Variants in NOTCH2NLC observed in about 807,000 individuals in gnomAD.
The protein encoded by NOTCH2NLC is notch homolog 2 N-terminal-like protein C.
NOTCH2NLC carries 4 observed loss-of-function variants against 17.7 expected under a neutral mutation model. The ratio of observed to expected loss-of-function variants is 0.23; its 90% CI spans 0.11 to 0.52. The LOEUF (loss-of-function observed/expected upper bound fraction) is 0.52. NOTCH2NLC is among the 20% of genes least tolerant of loss of function. The probability of loss-of-function intolerance (pLI) is 0.96; values close to 1 mark genes in which losing one functional copy is unlikely to be tolerated. For missense variants in NOTCH2NLC, 57 were observed against 207.2 expected (o/e 0.28, Z 4.45); for synonymous variants, 18 against 86.0 (o/e 0.21, Z 4.38).
chr1:149,395,089 C>T (rs1358725537), intron 1 of NOTCH2NLC, among the ~76,000 whole-genome samples: 2 of 150,894 alleles, frequency 1.3e-5, no homozygotes, highest in African/African-American at 4.9e-5. Context: ...GTCCACATTG[C>T]TTCCATCTCA....
chr1:149,419,916 G>T (rs2084369952), intron 1 of NOTCH2NLC, among the ~76,000 whole-genome samples: 1 of 130,996 alleles, frequency 7.6e-6, no homozygotes, highest in Admixed American at 8.0e-5. Context: ...GCCCAGGCTG[G>T]AGTGCAGTGG....
Position 149,430,806 on chromosome 1 carries a change from T to C in NOTCH2NLC, c.136-136T>C, listed in dbSNP as rs1475448125. 34 of 420,658 alleles carry C rather than the reference T, an allele frequency of 8.1e-5. 1 individual carries two copies. In the East Asian group the frequency reaches 1.7e-3, roughly 21 times the overall value. 26.1% of individuals were successfully genotyped at this position (420,658 alleles called of 1,614,324 possible). A position where few individuals can be genotyped will look rare whatever the true frequency, so the allele number is the denominator to read the frequency against. On this transcript the variant is annotated intron_variant, in intron 1 of 4. Transcript: ENST00000650865. ...TAGAAGCCAAAACATAAAAAACTGA[T>C]TAAAACTCTAAAAAGAAACCCAGAT... is the stretch of plus-strand genomic sequence containing the variant.
rs1311329095 is a variant in NOTCH2NLC, at chr1:149,421,392, G to A, written c.136-9550G>A. On this transcript the variant is annotated intron_variant, in intron 1 of 4. Coordinates refer to ENST00000650865, the MANE Select transcript of NOTCH2NLC (RefSeq NM_001364013.2). ...CGGGCACCTATAGTCCCAGCTACTC[G>A]GGAGGCTGAGGCAGGAGAATGGCGT... Among the ~76,000 whole-genome samples, 148 of 148,726 alleles carry A rather than the reference G, an allele frequency of 1.0e-3. 2 individuals carry two copies. The highest frequency in any genetic ancestry group is 2.8e-3 in the African/African-American group (115 of 40,578).
At position 149,390,857 on chromosome 1, in the gene NOTCH2NLC, C is replaced by T. The variant is rs2084161490; in HGVS notation, c.70C>T (p.Arg24Cys). Residue 24 changes from arginine (R) to cysteine (C), a missense_variant, in exon 1 of 5, where the codon CGC becomes TGC. By Grantham distance (180) the Arg-to-Cys change is radical (BLOSUM62 -3). Coordinates refer to ENST00000650865, the MANE Select transcript of NOTCH2NLC (RefSeq NM_001364013.2). The part of the protein sequence containing the change: ...GGGGGDREDA[R>C]PAPLCCGRCW... ...AGGAGGCGGCGACCGAGAAGATGCC[C>T]GCCCTGCGCCGCTCTGCTGTGGGCG... is the stretch of plus-strand genomic sequence containing the variant. The T allele has an allele frequency of 6.8e-6, 9 of 1,327,268 alleles. No homozygotes were observed. The highest frequency in any genetic ancestry group is 4.8e-6 in the Non-Finnish European group (5 of 1,041,422). The allele number at this position is 1,327,268 out of a possible 1,614,324, so 82.2% of individuals were successfully genotyped here.
At chr1:149,463,082 C>T (rs2084659777) in intron 3 of NOTCH2NLC, among the ~76,000 whole-genome samples, 1 of 150,252 alleles carries the variant, frequency 6.7e-6, no homozygotes, top group Non-Finnish European at 1.5e-5. Flanking sequence ...GATCTGCCTG[C>T]CTCGGCCTCC....
At chr1:149,451,529 GA>G (rs2084591314) in intron 2 of NOTCH2NLC, among the ~76,000 whole-genome samples, 1 of 150,230 alleles carries the variant, frequency 6.7e-6, no homozygotes, top group Admixed American at 6.6e-5. Flanking sequence ...ATTTTAAATA[GA>G]AATCAAACTT....
chr1:149,462,561 G>C (rs1302822808), intron 3 of NOTCH2NLC, among the ~76,000 whole-genome samples: 1 of 139,606 alleles, frequency 7.2e-6, no homozygotes, highest in African/African-American at 2.7e-5. Flanking sequence ...GTATTGACTT[G>C]TTTCTATCAC....
intron 2 of NOTCH2NLC, among the ~76,000 whole-genome samples, chr1:149,449,306 C>CAA (rs2084576292): frequency 6.7e-6 from 1 of 150,078 alleles, no homozygotes; most frequent in East Asian, 2.0e-4. Flanking sequence ...ATATACAATA[C>CAA]ATAGTTAAGT....
At chr1:149,420,150 A>G (rs1312177818) in intron 1 of NOTCH2NLC, among the ~76,000 whole-genome samples, 1 of 150,438 alleles carries the variant, frequency 6.6e-6, no homozygotes, top group Non-Finnish European at 1.5e-5. Context: ...GATTAAAGAC[A>G]TGAGCCACCG....
Position 149,471,356 on chromosome 1 carries a change from G to T in NOTCH2NLC, c.*7203G>T. On this transcript the variant is annotated 3_prime_UTR_variant, in exon 5 of 5. Coordinates refer to ENST00000650865, the MANE Select transcript of NOTCH2NLC (RefSeq NM_001364013.2). ...AATACAATTTATTTTTTCTTTTGTT[G>T]CTTGTGCTTTCAGTCATATTTGTGA... 1.3e-5 allele frequency among the ~76,000 whole-genome samples: 2 copies of T among 148,600 alleles called. No individual in the cohort carries two copies. Among genetic ancestry groups the T allele is most frequent in the Non-Finnish European group, 1.5e-5 (1 of 66,950 alleles).
chr1:149,391,122 C>T (rs1189260626), intron 1 of NOTCH2NLC, among the ~76,000 whole-genome samples, 200 bp downstream of exon 1: 2 of 66,438 alleles, frequency 3.0e-5, no homozygotes, highest in South Asian at 5.8e-4. Flanking sequence ...CGGGGTTCCC[C>T]GCCAACCGCC....
chr1:149,421,312 A>G (rs2084377748), intron 1 of NOTCH2NLC, among the ~76,000 whole-genome samples: 1 of 146,892 alleles, frequency 6.8e-6, no homozygotes, highest in African/African-American at 2.5e-5. Context: ...CCTGGCTAAC[A>G]CGGTGAAACC....
rs1243012863 is a variant in NOTCH2NLC, at chr1:149,448,570, A to G, written c.210-6748A>G. Among the ~76,000 whole-genome samples the G allele has an allele frequency of 1.4e-5, 2 of 147,794 alleles. 1 individual carries two copies. The highest frequency in any genetic ancestry group is 3.0e-5 in the Non-Finnish European group (2 of 66,488). On this transcript the variant is annotated intron_variant, in intron 2 of 4. Coordinates refer to ENST00000650865, the MANE Select transcript of NOTCH2NLC (RefSeq NM_001364013.2). ...TTTTGTGGCTTCTAAAAAAGTACAC[A>G]TATCCATTGGGTATGAGTCGGAGCA...
intron 1 of NOTCH2NLC, among the ~76,000 whole-genome samples, chr1:149,419,319 A>G (rs1458034139): frequency 1.3e-5 from 2 of 150,936 alleles, no homozygotes; most frequent in East Asian, 2.0e-4. Flanking sequence ...TGAGTTTGCC[A>G]AATTAGGTGT....
chr1:149,462,216 C>G (rs1417698229), intron 3 of NOTCH2NLC, among the ~76,000 whole-genome samples: 2 of 147,896 alleles, frequency 1.4e-5, no homozygotes, highest in Non-Finnish European at 1.5e-5. Context: ...AAAAAGCCAG[C>G]CATGTGAATA....
chr1:149,454,574 T>C (rs1421827251), intron 2 of NOTCH2NLC, among the ~76,000 whole-genome samples: 1 of 150,742 alleles, frequency 6.6e-6, no homozygotes, highest in Non-Finnish European at 1.5e-5. Flanking sequence ...TTGGTGTTTA[T>C]ATGGTATCTT....
intron 1 of NOTCH2NLC, among the ~76,000 whole-genome samples, chr1:149,396,010 G>A (rs1270511454): frequency 3.4e-5 from 5 of 148,762 alleles, no homozygotes; most frequent in Middle Eastern, 3.4e-3. Context: ...GCATGTGCCC[G>A]AAATTCAGAG....
At position 149,471,409 on chromosome 1, in the gene NOTCH2NLC, A is replaced by T. The variant is rs1418720935; in HGVS notation, c.*7256A>T. Among the ~76,000 whole-genome samples the T allele has an allele frequency of 5.4e-5, 8 of 149,348 alleles. No homozygotes were observed. The East Asian group carries it at 1.4e-3, about 27-fold the overall frequency. ...ACTTTGCTTATCCCACATTACAAAGATTTACTACTTCTAAGTGATTTATAA... is the reference window on the plus strand; with the variant it reads ...ACTTTGCTTATCCCACATTACAAAGTTTTACTACTTCTAAGTGATTTATAA... On this transcript the variant is annotated 3_prime_UTR_variant, in exon 5 of 5. Coordinates refer to ENST00000650865, the MANE Select transcript of NOTCH2NLC (RefSeq NM_001364013.2).
chr1:149,462,839 T>TC (rs1376823869), intron 3 of NOTCH2NLC, among the ~76,000 whole-genome samples: 1 of 145,042 alleles, frequency 6.9e-6, no homozygotes, highest in African/African-American at 2.6e-5. Flanking sequence ...GTTGATTTTT[T>TC]TTTTTTTTTT....
Sources: gnomAD v4.1 joint callset for allele counts (sites outside exome capture counted in the v4.1 genomes callset) on GRCh38, gnomAD v4.1.1 for gene constraint, MANE v1.5 for transcripts, NCBI Gene and HGNC (gene_info 2026-07-23, HGNC 2026-07-21) for gene names.